The following OSBP2 variants were observed in gnomAD, a reference collection of about 807,000 sequenced individuals.
The protein encoded by OSBP2 is oxysterol binding protein 2, also known as oxysterol-binding protein 2.
In OSBP2, 66 loss-of-function variants were observed where a neutral mutation model predicts 96.0. That is an observed-to-expected ratio of 0.69 (90% CI 0.56 to 0.84). The LOEUF (loss-of-function observed/expected upper bound fraction) is 0.84. Ranked by LOEUF, OSBP2 falls within the 40% of genes least tolerant of loss-of-function variation. The pLI, the probability that OSBP2 is intolerant of heterozygous loss-of-function variation, is 0.00. For synonymous variants in OSBP2, 525 were observed against 520.9 expected (o/e 1.01, Z -0.11); for missense variants, 1,038 against 1,222.7 (o/e 0.85, Z 2.25).
intron 2 of OSBP2, among the ~76,000 whole-genome samples, chr22:30,776,710 T>G (rs1241661003): frequency 6.6e-6 from 1 of 152,148 alleles, no homozygotes; most frequent in East Asian, 1.9e-4. Flanking sequence ...GTTGCTGAGT[T>G]ATCCTCCATC....
At chr22:30,721,497 G>C (rs570530061) in intron 1 of OSBP2, among the ~76,000 whole-genome samples, 1 of 152,258 alleles carries the variant, frequency 6.6e-6, no homozygotes, top group African/African-American at 2.4e-5. Context: ...GGTCTCCCAC[G>C]CAGACTCTGT....
At chr22:30,707,732 A>G (rs1236702883) in intron 1 of OSBP2, among the ~76,000 whole-genome samples, 1 of 151,450 alleles carries the variant, frequency 6.6e-6, no homozygotes, top group African/African-American at 2.4e-5. Context: ...AAAAAAAAAG[A>G]AAATGTACTT....
chr22:30,848,839 G>A (rs769243922), intron 2 of OSBP2, among the ~76,000 whole-genome samples: 17 of 152,290 alleles, frequency 1.1e-4, no homozygotes, highest in Non-Finnish European at 2.4e-4. Context: ...GTTTCAGTTT[G>A]GGGCTGCTAT....
intron 2 of OSBP2, among the ~76,000 whole-genome samples, chr22:30,792,594 A>G (rs1027813295): frequency 1.3e-5 from 2 of 152,176 alleles, no homozygotes; most frequent in Admixed American, 1.3e-4. Flanking sequence ...GCATATGGCA[A>G]TTAAAGTCAG....
At position 30,699,551 on chromosome 22, in the gene OSBP2, A is replaced by G. The variant is rs2089123427; in HGVS notation, c.644+3998A>G. 2.6e-5 allele frequency among the ~76,000 whole-genome samples: 4 copies of G among 152,210 alleles called. No homozygotes were observed. In the South Asian group the frequency reaches 8.3e-4, roughly 32 times the overall value. ...TGAAAAAGAGATTCTGTGGATCCTT[A>G]TCCTTTGCAAGACTTGGTATTGTCA... is the stretch of plus-strand genomic sequence containing the variant. On this transcript the variant is annotated intron_variant, in intron 1 of 13. Coordinates refer to ENST00000332585, the MANE Select transcript of OSBP2 (RefSeq NM_030758.4).
At chr22:30,883,137 G>A (rs1398076742) in intron 3 of OSBP2, among the ~76,000 whole-genome samples, 1 of 152,222 alleles carries the variant, frequency 6.6e-6, no homozygotes, top group African/African-American at 2.4e-5. Context: ...AGGGAGGGCG[G>A]GGCAGAGGCC....
intron 2 of OSBP2, among the ~76,000 whole-genome samples, chr22:30,800,755 A>G (rs1184108235): frequency 1.3e-5 from 2 of 152,198 alleles, no homozygotes; most frequent in Non-Finnish European, 2.9e-5. Flanking sequence ...GCTTTTCCAG[A>G]ACCCAGAAAA....
upstream of OSBP2, chr22:30,694,380 A>C: frequency 6.6e-7 from 1 of 1,507,262 alleles, no homozygotes; most frequent in Non-Finnish European, 8.8e-7. Context: ...CGTCGTCTTT[A>C]GCCTTTAGCG....
At chr22:30,750,123 A>G (rs965935844) in intron 2 of OSBP2, among the ~76,000 whole-genome samples, 10 of 152,098 alleles carry the variant, frequency 6.6e-5, no homozygotes, top group Non-Finnish European at 1.5e-4. Context: ...CCCTTTCCAA[A>G]TTTGGTAGAA....
At chr22:30,894,136 G>A (rs575504691) in intron 12 of OSBP2, 135 bp downstream of exon 12, 3 of 676,760 alleles carry the variant, frequency 4.4e-6, no homozygotes, top group South Asian at 1.9e-5. Context: ...TTATGCAGCC[G>A]ACATCCCAGT....
At chr22:30,796,617 T>A (rs949954186) in intron 2 of OSBP2, among the ~76,000 whole-genome samples, 2 of 152,116 alleles carry the variant, frequency 1.3e-5, no homozygotes, top group African/African-American at 2.4e-5. Flanking sequence ...GAGATTTTCA[T>A]GTCTCAGCCT....
intron 2 of OSBP2, among the ~76,000 whole-genome samples, chr22:30,810,898 G>A (rs572906115): frequency 3.3e-5 from 5 of 152,138 alleles, no homozygotes; most frequent in Non-Finnish European, 5.9e-5. Context: ...AGAGTCACTC[G>A]TAGGGCATCA....
intron 2 of OSBP2, among the ~76,000 whole-genome samples, chr22:30,855,575 G>T (rs891379387): frequency 6.6e-6 from 1 of 152,194 alleles, no homozygotes; most frequent in African/African-American, 2.4e-5. Flanking sequence ...AAGAAAAGGG[G>T]CCTTTTATTC....
chr22:30,870,394 C>G lies in OSBP2; in HGVS notation c.854-35C>G, dbSNP rs371811179. The G allele has an allele frequency of 6.8e-6, 11 of 1,609,268 alleles. No homozygotes were observed. Among genetic ancestry groups the G allele is most frequent in the Admixed American group, 1.7e-5 (1 of 59,934 alleles). On this transcript the variant is annotated intron_variant, in intron 2 of 13. Transcript: ENST00000332585. This position sits in a 1 kb window ranked among gnomAD's most constrained non-coding sequence, Gnocchi z 4.1. ...CAGGCCTCTTGGTACCACGTCTGTT[C>G]GTAATGACCGTAACAACTCTATTTT... is the stretch of plus-strand genomic sequence containing the variant.
chr22:30,826,378 G>A (rs758393611), intron 2 of OSBP2, among the ~76,000 whole-genome samples: 1 of 152,120 alleles, frequency 6.6e-6, no homozygotes, highest in Non-Finnish European at 1.5e-5. Flanking sequence ...GCCACTCCTC[G>A]GGCCTAGCCT....
intron 2 of OSBP2, among the ~76,000 whole-genome samples, chr22:30,848,450 G>T (rs1267415297): frequency 6.6e-6 from 1 of 151,902 alleles, no homozygotes; most frequent in Non-Finnish European, 1.5e-5. Flanking sequence ...TATTATTATT[G>T]AATTTAAATG....
At chr22:30,735,780 T>G (rs930809677) in intron 1 of OSBP2, among the ~76,000 whole-genome samples, 6 of 152,150 alleles carry the variant, frequency 3.9e-5, no homozygotes, top group Non-Finnish European at 8.8e-5. Flanking sequence ...TGGAGTGCAG[T>G]GGCATGATCT....
intron 2 of OSBP2, among the ~76,000 whole-genome samples, chr22:30,789,783 A>G (rs1242360490): frequency 1.3e-5 from 2 of 152,178 alleles, no homozygotes; most frequent in African/African-American, 4.8e-5. Context: ...CAGCCCCAAG[A>G]GCACAGGCAG....
At chr22:30,905,798 A>ACACCGCAGC in intron 12 of OSBP2, 39 bp from the exon 13 acceptor site, 1 of 1,606,508 alleles carries the variant, frequency 6.2e-7, no homozygotes, top group Non-Finnish European at 8.5e-7. Context: ...GGTCCGGCTC[A>ACACCGCAGC]CACCGCAGCC....
Sources: gnomAD v4.1 joint callset for allele counts (sites outside exome capture counted in the v4.1 genomes callset) on GRCh38, gnomAD v4.1.1 for gene constraint, Gnocchi (gnomAD v3.1) non-coding constraint, MANE v1.5 for transcripts, NCBI Gene and HGNC (gene_info 2026-07-23, HGNC 2026-07-21) for gene names.